The following DCDC1 variants were observed in gnomAD, a reference collection of about 807,000 sequenced individuals.
DCDC1 encodes the protein doublecortin domain-containing protein 1.
A neutral mutation model predicts 178.3 loss-of-function variants in DCDC1; 200 were observed. The ratio of observed to expected loss-of-function variants is 1.12; its 90% CI spans 1.00 to 1.26. The LOEUF is 1.26. DCDC1 is among the 50% of genes most tolerant of loss of function. DCDC1 has a pLI of 0.00. For missense variants in DCDC1, 1,983 were observed against 1,749.2 expected (o/e 1.13, Z -2.38); for synonymous variants, 690 against 604.8 (o/e 1.14, Z -2.07).
chr11:31,010,515 TTATGTAATGA>T (rs1328271134), intron 20 of DCDC1, among the ~76,000 whole-genome samples: 2 of 152,242 alleles, frequency 1.3e-5, no homozygotes, highest in Admixed American at 6.5e-5. Flanking sequence ...TCAAATAATG[TTATGTAATGA>T]TATGTAATGA....
Position 31,328,175 on chromosome 11 carries a change from T to G in DCDC1, c.106A>C (p.Thr36Pro), listed in dbSNP as rs761473012. Residue 36 changes from threonine (T) to proline (P), a missense_variant, in exon 3 of 39, where the codon ACT (threonine) becomes CCT (proline). Thr to Pro is a conservative substitution (Grantham distance 38). Coordinates refer to ENST00000684477, the MANE Select transcript of DCDC1 (RefSeq NM_001387274.1). ...GGGTTTACAGTATTCCCATCCAAAG[T>G]GCCTTCAGGGCTACTTTGCTGTAAT... ...EVLQQSSPEG[T>P]LDGNTVNPIY... The G allele has an allele frequency of 2.5e-6, 4 of 1,612,530 alleles. No individual in the cohort carries two copies. The highest frequency in any genetic ancestry group is 3.4e-6 in the Non-Finnish European group (4 of 1,179,000).
chr11:31,252,582 C>T (rs1424705460), intron 8 of DCDC1, among the ~76,000 whole-genome samples: 1 of 151,894 alleles, frequency 6.6e-6, no homozygotes, highest in Non-Finnish European at 1.5e-5. Context: ...ACCTGGAAAA[C>T]TGTGTACAAT....
intron 17 of DCDC1, among the ~76,000 whole-genome samples, chr11:31,091,132 G>A (rs1189586480): frequency 6.6e-6 from 1 of 152,156 alleles, no homozygotes; most frequent in East Asian, 1.9e-4. Flanking sequence ...TAATTATAGA[G>A]TAAAGCAGCA....
At chr11:31,082,870 T>G (rs1481131813) in intron 17 of DCDC1, among the ~76,000 whole-genome samples, 1 of 152,138 alleles carries the variant, frequency 6.6e-6, no homozygotes, top group East Asian at 1.9e-4. Context: ...AGAATGCACG[T>G]AGAGGATGGG....
intron 7 of DCDC1, among the ~76,000 whole-genome samples, chr11:31,276,330 T>C (rs891333914): frequency 6.6e-6 from 1 of 152,104 alleles, no homozygotes; most frequent in South Asian, 2.1e-4. Flanking sequence ...AAGCTGAAAA[T>C]TATGAAAATG....
chr11:31,199,342 A>T (rs1009306296), intron 9 of DCDC1, among the ~76,000 whole-genome samples: 1 of 152,070 alleles, frequency 6.6e-6, no homozygotes, highest in South Asian at 2.1e-4. Flanking sequence ...TATTAAGTAC[A>T]TCAACAATTT....
intron 10 of DCDC1, among the ~76,000 whole-genome samples, chr11:31,128,277 T>TGGTG (rs1961934686): frequency 4.6e-5 from 7 of 152,096 alleles, no homozygotes; most frequent in African/African-American, 1.7e-4. Context: ...AACGTATAGT[T>TGGTG]TTTCCAGAAA....
At chr11:30,903,824 G>A (rs1590301383) in intron 31 of DCDC1, 141 bp from the exon 32 acceptor site, 1 of 717,156 alleles carries the variant, frequency 1.4e-6, no homozygotes, top group Non-Finnish European at 2.1e-6. Context: ...TAATGATGCT[G>A]ATCTTTGATT....
At chr11:31,337,788 A>G (rs1345175568) in intron 1 of DCDC1, among the ~76,000 whole-genome samples, 1 of 152,154 alleles carries the variant, frequency 6.6e-6, no homozygotes, top group Non-Finnish European at 1.5e-5. Flanking sequence ...TGAAGCACAG[A>G]GTCAGGGAAT....
chr11:31,035,720 CT>C (rs1953981328), intron 20 of DCDC1, among the ~76,000 whole-genome samples: 1 of 152,248 alleles, frequency 6.6e-6, no homozygotes, highest in Admixed American at 6.5e-5. Context: ...ATGAAAATGT[CT>C]TGCTTTTCCT....
rs112923220 is a variant in DCDC1 at position 30,913,549 on chromosome 11, C to T, written c.3653+1962G>A. Among the ~76,000 whole-genome samples, 1,413 of 152,310 alleles carry T rather than the reference C, an allele frequency of 9.3e-3. 30 individuals are homozygous for T. The highest frequency in any genetic ancestry group is 0.032 in the African/African-American group (1,343 of 41,556). ...CTCTGGACTCTGACGTTTCCAATGA[C>T]GGATCAACCAATATCACCATCTCCC... On this transcript the variant is annotated intron_variant, in intron 27 of 38. Coordinates refer to ENST00000684477, the MANE Select transcript of DCDC1 (RefSeq NM_001387274.1).
intron 9 of DCDC1, among the ~76,000 whole-genome samples, chr11:31,193,772 T>C (rs1970382066): frequency 6.6e-6 from 1 of 152,132 alleles, no homozygotes; most frequent in East Asian, 1.9e-4. Flanking sequence ...GAGAACACTT[T>C]ACTCTGTCAA....
At chr11:31,167,714 G>C (rs1050663021) in intron 9 of DCDC1, among the ~76,000 whole-genome samples, 1 of 151,994 alleles carries the variant, frequency 6.6e-6, no homozygotes, top group African/African-American at 2.4e-5. Flanking sequence ...TCTACTAAAT[G>C]GTAACATCAT....
At chr11:30,973,826 G>T (rs1314149776) in intron 20 of DCDC1, among the ~76,000 whole-genome samples, 2 of 152,118 alleles carry the variant, frequency 1.3e-5, no homozygotes, top group African/African-American at 4.8e-5. Context: ...ACATAGACAG[G>T]TCATGTAGAT....
chr11:31,236,344 TTATTA>T (rs1976464491), intron 9 of DCDC1, among the ~76,000 whole-genome samples: 1 of 152,052 alleles, frequency 6.6e-6, no homozygotes, highest in African/African-American at 2.4e-5. Context: ...CTATAGCCTC[TTATTA>T]TAAGTGTAAT....
At chr11:31,168,000 C>T (rs1174778840) in intron 9 of DCDC1, among the ~76,000 whole-genome samples, 1 of 152,184 alleles carries the variant, frequency 6.6e-6, no homozygotes, top group Non-Finnish European at 1.5e-5. Context: ...TATGTGTGCA[C>T]TCATAGGCAC....
chr11:31,341,762 G>A (rs746853586), intron 1 of DCDC1, among the ~76,000 whole-genome samples: 3 of 150,942 alleles, frequency 2.0e-5, no homozygotes, highest in African/African-American at 7.3e-5. Context: ...GAGTACCGTT[G>A]TAAATGTAGT....
intron 20 of DCDC1, among the ~76,000 whole-genome samples, chr11:31,064,066 C>A (rs1448475888): frequency 6.6e-6 from 1 of 152,058 alleles, no homozygotes; most frequent in Non-Finnish European, 1.5e-5. Flanking sequence ...ATCTTTTGTG[C>A]ACTTAACCTT....
chr11:31,219,328 A>C (rs1973984268), intron 9 of DCDC1, among the ~76,000 whole-genome samples: 1 of 152,176 alleles, frequency 6.6e-6, no homozygotes, highest in Admixed American at 6.5e-5. Context: ...TAAGAAAATA[A>C]GACTCACTCT....
Sources: gnomAD v4.1 joint callset for allele counts (sites outside exome capture counted in the v4.1 genomes callset) on GRCh38, gnomAD v4.1.1 for gene constraint, MANE v1.5 for transcripts, NCBI Gene and HGNC (gene_info 2026-07-23, HGNC 2026-07-21) for gene names.